UNC13C: variants seen among roughly 807,000 people sequenced by gnomAD.
UNC13C encodes the protein protein unc-13 homolog C.
A neutral mutation model predicts 245.4 loss-of-function variants in UNC13C; 174 were observed. The ratio of observed to expected loss-of-function variants is 0.71; its 90% CI spans 0.63 to 0.80. The LOEUF (loss-of-function observed/expected upper bound fraction) is 0.80. Among genes scored for constraint, UNC13C ranks in the 30% least tolerant of loss-of-function variants. The probability of loss-of-function intolerance (pLI) is 0.00; values close to 1 mark genes in which losing one functional copy is unlikely to be tolerated. For synonymous variants in UNC13C, 992 were observed against 895.1 expected (o/e 1.11, Z -1.93); for missense variants, 2,829 against 2,602.9 (o/e 1.09, Z -1.89).
chr15:54,128,840 C>T (rs947881118), intron 2 of UNC13C, among the ~76,000 whole-genome samples: 1 of 152,180 alleles, frequency 6.6e-6, no homozygotes, highest in Non-Finnish European at 1.5e-5. Context: ...CTAATTGCTG[C>T]TTCCCATCAC....
At chr15:53,868,389 A>C in the UNC13C span, among the ~76,000 whole-genome samples, 1 of 152,168 alleles carries the variant, frequency 6.6e-6, no homozygotes, top group Admixed American at 6.5e-5. Context: ...AATTTAAGCA[A>C]ATAAAGTAGG....
chr15:54,222,903 G>A (rs142068277), intron 4 of UNC13C, among the ~76,000 whole-genome samples: 156 of 152,208 alleles, frequency 1.0e-3, no homozygotes, highest in African/African-American at 3.6e-3. Flanking sequence ...ATTGAGAAAT[G>A]TCTATTCAGA....
intron 30 of UNC13C, among the ~76,000 whole-genome samples, chr15:54,592,462 T>G (rs1014947025): frequency 2.0e-5 from 3 of 152,218 alleles, no homozygotes; most frequent in African/African-American, 7.2e-5. Flanking sequence ...AATTGACTTA[T>G]AAAATTGGGA....
At chr15:54,042,575 C>T (rs555550532) in intron 2 of UNC13C, among the ~76,000 whole-genome samples, 17 of 152,076 alleles carry the variant, frequency 1.1e-4, no homozygotes, top group African/African-American at 2.9e-4. Flanking sequence ...TTACTGAGGC[C>T]GGGTGTGGTG....
intron 30 of UNC13C, among the ~76,000 whole-genome samples, chr15:54,573,919 G>T (rs1372201021): frequency 2.0e-5 from 3 of 152,172 alleles, no homozygotes; most frequent in Non-Finnish European, 2.9e-5. Context: ...GGTCTGAGGA[G>T]ACAGAAAAGG....
intron 19 of UNC13C, among the ~76,000 whole-genome samples, chr15:54,441,815 C>A (rs1326515374): frequency 7.9e-5 from 12 of 151,978 alleles, no homozygotes; most frequent in Admixed American, 5.2e-4. Flanking sequence ...TTCTTCTAAT[C>A]CATGAGCATA....
chr15:54,122,332 G>T (rs1326443043), intron 2 of UNC13C, among the ~76,000 whole-genome samples: 3 of 151,694 alleles, frequency 2.0e-5, no homozygotes, highest in Admixed American at 6.6e-5. Context: ...CTTTGTTTTG[G>T]TTCTTTAGTT....
At chr15:54,514,049 A>G (rs1164822653) in intron 24 of UNC13C, among the ~76,000 whole-genome samples, 1 of 152,208 alleles carries the variant, frequency 6.6e-6, no homozygotes, top group Non-Finnish European at 1.5e-5. Flanking sequence ...TAATTGATAC[A>G]GAATTATGAT....
rs1367711156 is a variant in UNC13C, at chr15:54,272,300, C to T, written c.3818+6804C>T. On this transcript the variant is annotated intron_variant, in intron 10 of 32. Coordinates refer to ENST00000260323, the MANE Select transcript of UNC13C (RefSeq NM_001080534.3). Reference sequence around the variant, plus strand: ...TCCACCGTGCCATGTGCTGCTCAGCCGGGGCTGAGTATCAGTTAAGCATAA... The same window carrying T: ...TCCACCGTGCCATGTGCTGCTCAGCTGGGGCTGAGTATCAGTTAAGCATAA... Among the ~76,000 whole-genome samples the T allele has an allele frequency of 3.9e-5, 6 of 152,164 alleles. No homozygotes were observed. In the East Asian group the frequency reaches 5.8e-4, roughly 15 times the overall value.
At chr15:54,209,415 T>G (rs978528408) in intron 4 of UNC13C, among the ~76,000 whole-genome samples, 1 of 138,180 alleles carries the variant, frequency 7.2e-6, no homozygotes, top group African/African-American at 2.7e-5. Context: ...TCTTTTTGGT[T>G]TTTTGTTTTT....
At chr15:54,382,641 C>A (rs1176673754) in intron 17 of UNC13C, among the ~76,000 whole-genome samples, 2 of 150,856 alleles carry the variant, frequency 1.3e-5, no homozygotes, top group African/African-American at 4.9e-5. Context: ...TCTCATTGTA[C>A]ACTTCAAGCA....
chr15:54,473,202 T>C (rs1266983927), intron 19 of UNC13C, among the ~76,000 whole-genome samples: 3 of 134,026 alleles, frequency 2.2e-5, no homozygotes, highest in Non-Finnish European at 3.3e-5. Context: ...ATTTTATTGA[T>C]TATTTATTTT....
chr15:54,612,273 A>G (rs1852155489), intron 30 of UNC13C, among the ~76,000 whole-genome samples: 1 of 94,172 alleles, frequency 1.1e-5, no homozygotes, highest in Non-Finnish European at 2.0e-5. Context: ...TGCTAATGTG[A>G]TAAGCAATGC....
intron 2 of UNC13C, among the ~76,000 whole-genome samples, chr15:54,119,887 C>T (rs1485184154): frequency 6.6e-6 from 1 of 152,060 alleles, no homozygotes; most frequent in East Asian, 1.9e-4. Context: ...CACAACAAGG[C>T]CCTAAGGCTC....
chr15:53,847,425 C>T, the UNC13C span, among the ~76,000 whole-genome samples: 1 of 151,344 alleles, frequency 6.6e-6, no homozygotes, highest in Non-Finnish European at 1.5e-5. Flanking sequence ...GATGTGGTCT[C>T]CCCTCACTGC....
At chr15:54,169,578 T>A (rs190496882) in intron 4 of UNC13C, among the ~76,000 whole-genome samples, 10 of 152,314 alleles carry the variant, frequency 6.6e-5, no homozygotes, top group African/African-American at 2.4e-4. Flanking sequence ...AGGCCTGGGC[T>A]GCCTCTCCAG....
At chr15:54,436,239 T>C (rs1200390834) in intron 19 of UNC13C, among the ~76,000 whole-genome samples, 1 of 151,978 alleles carries the variant, frequency 6.6e-6, no homozygotes, top group Admixed American at 6.6e-5. Flanking sequence ...ATTATGAGCA[T>C]AATCAAATAG....
intron 10 of UNC13C, among the ~76,000 whole-genome samples, chr15:54,280,374 A>G (rs1057273688): frequency 4.6e-5 from 7 of 151,878 alleles, no homozygotes; most frequent in Admixed American, 1.3e-4. Flanking sequence ...GTCACAATTC[A>G]AAGTAGATAC....
the UNC13C span, among the ~76,000 whole-genome samples, chr15:53,945,348 G>A: frequency 1.3e-5 from 2 of 152,050 alleles, no homozygotes; most frequent in Non-Finnish European, 2.9e-5. Flanking sequence ...TATTGCCTAG[G>A]TTATCTTCTA....
Sources: gnomAD v4.1 joint callset for allele counts (sites outside exome capture counted in the v4.1 genomes callset) on GRCh38, gnomAD v4.1.1 for gene constraint, MANE v1.5 for transcripts, NCBI Gene and HGNC (gene_info 2026-07-23, HGNC 2026-07-21) for gene names.